Variants in AGT observed in about 807,000 individuals in gnomAD.
AGT encodes alpha-1 antiproteinase, antitrypsin.
A neutral mutation model predicts 28.1 loss-of-function variants in AGT; 26 were observed. The observed-to-expected ratio is 0.92, with a 90% CI of 0.68 to 1.28. The LOEUF (loss-of-function observed/expected upper bound fraction) is 1.28. Ranked by LOEUF, AGT falls within the 50% of genes most tolerant of loss-of-function variation. The pLI is 0.00. For synonymous variants in AGT, 259 were observed against 259.6 expected (o/e 1.00, Z 0.02); for missense variants, 596 against 592.3 (o/e 1.01, Z -0.06).
At chr1:230,707,634 G>A (rs1261708026) in intron 2 of AGT, among the ~76,000 whole-genome samples, 2 of 152,206 alleles carry the variant, frequency 1.3e-5, no homozygotes, top group South Asian at 2.1e-4. Flanking sequence ...CCCCTTGCAC[G>A]TTCCCTGCAG....
rs1663545261 is a variant in AGT at position 230,710,427 on chromosome 1, TGCCAAAGACA to T, written c.387_396del (p.Val130ProfsTer50). 6.2e-7 allele frequency: 1 copy of T among 1,613,992 alleles called. No individual in the cohort carries two copies. The highest frequency in any genetic ancestry group is 1.1e-5 in the South Asian group (1 of 91,082). ...GCTCCCAGATAGAGAGAGGCCAGGG[TGCCAAAGACA>T]GCCGTTGGGGAGAGGACGGTGGCCC... On this transcript the variant is annotated frameshift_variant, in exon 2 of 5. Coordinates refer to ENST00000366667, the MANE Select transcript of AGT (RefSeq NM_001384479.1). LOFTEE classifies it high-confidence loss of function.
intron 2 of AGT, among the ~76,000 whole-genome samples, chr1:230,708,636 T>C (rs1663465903): frequency 6.6e-6 from 1 of 152,150 alleles, no homozygotes; most frequent in Non-Finnish European, 1.5e-5. Flanking sequence ...CCCGCCTGGC[T>C]CTCTGTCCCT....
intron 1 of AGT, among the ~76,000 whole-genome samples, chr1:230,740,415 C>T (rs972942018): frequency 6.6e-6 from 1 of 152,140 alleles, no homozygotes; most frequent in African/African-American, 2.4e-5. Flanking sequence ...AGGTCTCAGC[C>T]TTATTTTACC....
chr1:230,708,428 A>G, intron 2 of AGT, among the ~76,000 whole-genome samples: 1 of 152,036 alleles, frequency 6.6e-6, no homozygotes. Flanking sequence ...TCTGCCCTGC[A>G]CAGTGTGCTG....
chr1:230,706,428 G>A (rs965171453), intron 2 of AGT, among the ~76,000 whole-genome samples: 2 of 151,986 alleles, frequency 1.3e-5, no homozygotes, highest in African/African-American at 4.8e-5. Context: ...AGCCCTAACC[G>A]CCACCTGCAA....
At chr1:230,741,384 G>T (rs928295389) in intron 1 of AGT, among the ~76,000 whole-genome samples, 2 of 152,218 alleles carry the variant, frequency 1.3e-5, no homozygotes, top group South Asian at 2.1e-4. Context: ...GGTCGTCCAC[G>T]AGCCTATGCG....
rs61762530 is a variant in AGT, at chr1:230,706,168, G to A, written c.862C>T (p.Pro288Ser). The change falls in exon 3 of 5, where the codon CCC (proline) becomes TCC (serine). Residue 288 changes from proline (P) to serine (S), a missense_variant. Coordinates refer to ENST00000366667, the MANE Select transcript of AGT (RefSeq NM_001384479.1). The stretch of plus-strand genomic sequence containing the variant: ...CTGTTGTCCACCCAGAACTCCTGGG[G>A]CTCGGCCAGCAGGGAGAAGCCCTTC... Reference protein sequence around the residue: ...KMKGFSLLAEPQEFWVDNSTS... With the variant: ...KMKGFSLLAESQEFWVDNSTS... 7.7e-5 allele frequency: 125 copies of A among 1,613,732 alleles called. No homozygotes were observed. Among genetic ancestry groups the A allele is most frequent in the Non-Finnish European group, 6.4e-5 (75 of 1,179,806 alleles).
At chr1:230,743,188 A>G (rs995924333) in intron 1 of AGT, among the ~76,000 whole-genome samples, 1 of 151,976 alleles carries the variant, frequency 6.6e-6, no homozygotes, top group Non-Finnish European at 1.5e-5. Flanking sequence ...TCAAGGTTTT[A>G]CCATGTTGGC....
At chr1:230,714,986 G>C (rs1177900043), upstream of AGT, among the ~76,000 whole-genome samples, 3 of 152,148 alleles carry the variant, frequency 2.0e-5, no homozygotes, top group African/African-American at 7.2e-5. Context: ...TGGGAGTGGT[G>C]ATGTGTCCAG....
upstream of AGT, among the ~76,000 whole-genome samples, chr1:230,717,880 G>C (rs770727721): frequency 6.6e-6 from 1 of 152,106 alleles, no homozygotes; most frequent in African/African-American, 2.4e-5. Flanking sequence ...ATTTTCTTAA[G>C]TTGGCTCACA....
intron 2 of AGT, among the ~76,000 whole-genome samples, chr1:230,708,458 C>T (rs1420371439): frequency 3.9e-5 from 6 of 152,218 alleles, no homozygotes; most frequent in South Asian, 2.1e-4. Context: ...ACCGGGCAAC[C>T]CTCGGGCTGG....
chr1:230,740,522 A>G (rs1664228990), intron 1 of AGT, among the ~76,000 whole-genome samples: 1 of 152,240 alleles, frequency 6.6e-6, no homozygotes, highest in Admixed American at 6.5e-5. Flanking sequence ...TTACAGAGAC[A>G]GAAGAAGAGA....
chr1:230,722,420 G>A (rs1446336128), intron 1 of AGT, among the ~76,000 whole-genome samples: 1 of 152,246 alleles, frequency 6.6e-6, no homozygotes, highest in Non-Finnish European at 1.5e-5. Context: ...CTGCCTAGTG[G>A]AACTGTGAGA....
chr1:230,711,293 C>T lies in AGT; in HGVS notation c.-30-440G>A, dbSNP rs898987844. 3.9e-5 allele frequency among the ~76,000 whole-genome samples: 6 copies of T among 152,046 alleles called. No individual in the cohort carries two copies. In the East Asian group the frequency reaches 9.6e-4, roughly 24 times the overall value. The stretch of plus-strand genomic sequence containing the variant: ...CCATGTGGGGACACAGAGGGAAGAC[C>T]ATGTGGGGACACAGAGAGAAGACGG... On this transcript the variant is annotated intron_variant, in intron 1 of 4. Transcript: ENST00000366667.
chr1:230,716,031 G>A (rs1316820914), upstream of AGT, among the ~76,000 whole-genome samples: 3 of 152,140 alleles, frequency 2.0e-5, no homozygotes, highest in Non-Finnish European at 4.4e-5. Flanking sequence ...ATAATGACAC[G>A]TTACTGGGGA....
Position 230,704,211 on chromosome 1 carries a change from G to A in AGT, c.1224C>T (p.Asp408=), listed in dbSNP as rs1371003980. 6.2e-7 allele frequency: 1 copy of A among 1,614,246 alleles called. No individual in the cohort carries two copies. Among genetic ancestry groups the A allele is most frequent in the Admixed American group, 1.7e-5 (1 of 60,032 alleles). Residue 408 remains aspartate (D), a synonymous_variant, in exon 4 of 5, where the codon GAC becomes GAT. Transcript: ENST00000366667. ...CACATACCTCCCCCACCCTGATGCG[G>A]TCATTGCTCAATTTTTGCAGGTTCA... The part of the protein sequence containing the change: ...TELNLQKLSN[D]RIRVGEVLNS...
chr1:230,719,830 T>C (rs1663810261), intron 1 of AGT, among the ~76,000 whole-genome samples: 1 of 152,178 alleles, frequency 6.6e-6, no homozygotes, highest in Admixed American at 6.5e-5. Context: ...ACATAATTAG[T>C]GAATCCAGTT....
upstream of AGT, among the ~76,000 whole-genome samples, chr1:230,717,289 G>C (rs996244168): frequency 6.6e-6 from 1 of 151,996 alleles, no homozygotes; most frequent in South Asian, 2.1e-4. Flanking sequence ...TTTGGGATCA[G>C]TTCTACTCTG....
upstream of AGT, among the ~76,000 whole-genome samples, chr1:230,718,705 G>A (rs533766627): frequency 1.8e-4 from 27 of 148,852 alleles, no homozygotes; most frequent in East Asian, 7.8e-4. Flanking sequence ...TGTAGCAAGC[G>A]GCACAGTTCC....
Sources: allele counts gnomAD v4.1 joint callset (sites outside exome capture counted in the v4.1 genomes callset), GRCh38; gene constraint gnomAD v4.1.1; transcripts MANE v1.5; gene names NCBI Gene and HGNC (gene_info 2026-07-23, HGNC 2026-07-21).